CSMD3: variants seen among roughly 807,000 people sequenced by gnomAD.
CSMD3 encodes CUB and Sushi multiple domains 3, also known as CUB and sushi domain-containing protein 3.
CSMD3 carries 177 observed loss-of-function variants against 435.2 expected under a neutral mutation model. The ratio of observed to expected loss-of-function variants is 0.41; its 90% CI spans 0.36 to 0.46. The LOEUF is 0.46. Among genes scored for constraint, CSMD3 ranks in the 20% least tolerant of loss-of-function variants. The probability of loss-of-function intolerance (pLI) is 0.34; values close to 1 mark genes in which losing one functional copy is unlikely to be tolerated. For synonymous variants in CSMD3, 1,656 were observed against 1,520.5 expected, an observed-to-expected ratio of 1.09 and a Z score of -2.07; for missense variants, 4,265 against 4,504.6, an observed-to-expected ratio of 0.95 and a Z score of 1.52.
intron 6 of CSMD3, among the ~76,000 whole-genome samples, chr8:113,014,278 T>C (rs2086368476): frequency 6.6e-6 from 1 of 151,106 alleles, no homozygotes; most frequent in African/African-American, 2.5e-5. Flanking sequence ...TGCAGACTAT[T>C]ATTTGTTATA....
chr8:113,109,643 C>T (rs947628021), intron 4 of CSMD3, among the ~76,000 whole-genome samples: 4 of 152,152 alleles, frequency 2.6e-5, no homozygotes, highest in African/African-American at 9.7e-5. Context: ...GCCTTGCTCC[C>T]GTGACAGTTC....
chr8:113,388,079 A>T (rs1317581993), intron 1 of CSMD3, among the ~76,000 whole-genome samples: 1 of 151,706 alleles, frequency 6.6e-6, no homozygotes, highest in East Asian at 1.9e-4. Flanking sequence ...CCAGAAAGGG[A>T]TGCATTAATT....
rs540415716 is a variant in CSMD3, at chr8:112,299,683, G to A, written c.8440+2110C>T. On this transcript the variant is annotated intron_variant, in intron 53 of 70. Transcript: ENST00000297405. ...CAATTATAAGCACATTCTCATGGCC[G>A]TTCTAAGCTAAAAGTGTCTGAGGTT... 2.7e-3 allele frequency among the ~76,000 whole-genome samples: 417 copies of A among 152,134 alleles called. 3 individuals are homozygous for A. Among genetic ancestry groups the A allele is most frequent in the Non-Finnish European group, 4.9e-3 (333 of 67,962 alleles).
chr8:113,133,606 A>G (rs1232216322), intron 4 of CSMD3, among the ~76,000 whole-genome samples: 2 of 152,154 alleles, frequency 1.3e-5, no homozygotes, highest in Non-Finnish European at 2.9e-5. Context: ...TTGAAAGCAG[A>G]GTGTAAAGTG....
At chr8:112,780,535 T>C (rs1449994968) in intron 13 of CSMD3, among the ~76,000 whole-genome samples, 1 of 151,986 alleles carries the variant, frequency 6.6e-6, no homozygotes, top group Non-Finnish European at 1.5e-5. Flanking sequence ...CAGTACCTGC[T>C]TTTAATATCA....
chr8:112,630,096 C>T (rs1333875492), intron 22 of CSMD3, among the ~76,000 whole-genome samples: 1 of 152,140 alleles, frequency 6.6e-6, no homozygotes, highest in East Asian at 1.9e-4. Flanking sequence ...CAGGTGAGAA[C>T]TCAGCCCTGG....
At chr8:113,255,421 C>T (rs72670718) in intron 3 of CSMD3, among the ~76,000 whole-genome samples, 1,760 of 152,044 alleles carry the variant, frequency 0.012, 19 homozygotes, top group Non-Finnish European at 0.019. Context: ...TTTCTATAAG[C>T]ACATCATGAC....
At chr8:113,036,981 G>A (rs745768224) in intron 5 of CSMD3, among the ~76,000 whole-genome samples, 11 of 152,064 alleles carry the variant, frequency 7.2e-5, no homozygotes, top group Non-Finnish European at 1.2e-4. Flanking sequence ...TTTACAGAGA[G>A]CTATTTGCTA....
At chr8:112,745,028 G>A (rs537869313) in intron 13 of CSMD3, among the ~76,000 whole-genome samples, 12 of 152,202 alleles carry the variant, frequency 7.9e-5, no homozygotes, top group African/African-American at 2.9e-4. Context: ...GGGTGTGCAC[G>A]TAGTTAGTGC....
chr8:113,264,220 C>A (rs1435816607), intron 3 of CSMD3, among the ~76,000 whole-genome samples: 1 of 151,388 alleles, frequency 6.6e-6, no homozygotes, highest in Non-Finnish European at 1.5e-5. Flanking sequence ...CTTTATACCA[C>A]TATTTTTGCA....
At chr8:113,363,946 AC>A in intron 1 of CSMD3, among the ~76,000 whole-genome samples, 1 of 152,234 alleles carries the variant, frequency 6.6e-6, no homozygotes, top group Admixed American at 6.5e-5. Context: ...TTATTATCAA[AC>A]CTGAAGTTAC....
intron 8 of CSMD3, among the ~76,000 whole-genome samples, chr8:112,948,460 G>T (rs151272893): frequency 2.0e-5 from 3 of 152,044 alleles, no homozygotes; most frequent in African/African-American, 4.8e-5. Context: ...TTACCCTCAA[G>T]CAACTTCCAT....
At chr8:113,395,603 C>T (rs1419965920) in intron 1 of CSMD3, among the ~76,000 whole-genome samples, 1 of 103,500 alleles carries the variant, frequency 9.7e-6, no homozygotes, top group African/African-American at 4.4e-5. Context: ...AGTGAGACTC[C>T]GTCTCAAAAA....
chr8:113,428,171 A>C (rs1019941895), intron 1 of CSMD3, among the ~76,000 whole-genome samples: 8 of 151,462 alleles, frequency 5.3e-5, no homozygotes, highest in African/African-American at 1.9e-4. Context: ...AAATTACAAA[A>C]CCAATTAAGT....
rs2076108676 is a variant in CSMD3, at chr8:112,690,508, A to G, written c.1973-458T>C. ...GAACATTCTCTGTGTCTATACTCCT[A>G]CAGAAATCAATGAATACCTCTCACC... On this transcript the variant is annotated intron_variant, in intron 13 of 70. Coordinates refer to ENST00000297405, the MANE Select transcript of CSMD3 (RefSeq NM_198123.2). Among the ~76,000 whole-genome samples the G allele has an allele frequency of 2.0e-5, 3 of 151,704 alleles. No individual in the cohort carries two copies. In the Admixed American group the frequency reaches 2.0e-4, roughly 10 times the overall value.
intron 3 of CSMD3, among the ~76,000 whole-genome samples, chr8:113,186,459 C>G (rs969074534): frequency 1.3e-5 from 2 of 151,912 alleles, no homozygotes; most frequent in Non-Finnish European, 2.9e-5. Context: ...CTTTGAACCA[C>G]CGTCTATAAA....
chr8:112,719,141 T>C (rs576480921), intron 13 of CSMD3, among the ~76,000 whole-genome samples: 174 of 152,254 alleles, frequency 1.1e-3, no homozygotes, highest in Middle Eastern at 3.4e-3. Flanking sequence ...TAGAAATATA[T>C]AAATACTGTA....
At chr8:112,273,294 A>C (rs2130497971) in intron 59 of CSMD3, among the ~76,000 whole-genome samples, 1 of 151,890 alleles carries the variant, frequency 6.6e-6, no homozygotes, top group South Asian at 2.1e-4. Context: ...AAAAAAAATG[A>C]AAGTGTTCCT....
rs369215529 is a variant in CSMD3 at position 112,839,100 on chromosome 8, A to G, written c.1756-9311T>C. Among the ~76,000 whole-genome samples, 63 of 151,912 alleles carry G rather than the reference A, an allele frequency of 4.1e-4. No homozygotes were observed. The East Asian group carries it at 0.012, about 28-fold the overall frequency. Reference sequence around the variant, plus strand: ...AGACCATTCAACAGTGCAAAATGCCACCTCAGGGAATTCTCTAGGCTAATC... The same window carrying G: ...AGACCATTCAACAGTGCAAAATGCCGCCTCAGGGAATTCTCTAGGCTAATC... On this transcript the variant is annotated intron_variant, in intron 11 of 70. Transcript: ENST00000297405.
Sources: gnomAD v4.1 joint callset for allele counts (sites outside exome capture counted in the v4.1 genomes callset) on GRCh38, gnomAD v4.1.1 for gene constraint, MANE v1.5 for transcripts, NCBI Gene and HGNC (gene_info 2026-07-23, HGNC 2026-07-21) for gene names.